NEBL: variants seen among roughly 807,000 people sequenced by gnomAD.
The protein encoded by NEBL is LIM and SH3 protein 2.
A neutral mutation model predicts 140.2 loss-of-function variants in NEBL; 122 were observed. That is an observed-to-expected ratio of 0.87 (90% CI 0.75 to 1.01). The LOEUF is 1.01. NEBL is among the 50% of genes least tolerant of loss of function. NEBL has a pLI of 0.00. For missense variants in NEBL, 1,365 were observed against 1,231.3 expected (o/e 1.11, Z -1.62); for synonymous variants, 436 against 398.9 (o/e 1.09, Z -1.11).
chr10:20,875,899 T>C (rs1191849939), intron 5 of NEBL, among the ~76,000 whole-genome samples: 3 of 152,198 alleles, frequency 2.0e-5, no homozygotes, highest in African/African-American at 7.2e-5. Context: ...AGGCAAATCA[T>C]GTAACTGGTA....
At chr10:21,168,867 T>C (rs942969553) in intron 2 of NEBL, among the ~76,000 whole-genome samples, 5 of 150,446 alleles carry the variant, frequency 3.3e-5, no homozygotes, top group African/African-American at 7.3e-5. Context: ...GCTAACATGG[T>C]GAAACCCTAT....
chr10:21,013,708 T>G (rs772427426), intron 3 of NEBL, among the ~76,000 whole-genome samples: 1 of 152,106 alleles, frequency 6.6e-6, no homozygotes, highest in Admixed American at 6.5e-5. Flanking sequence ...TGAATCCCCA[T>G]CTCTACTAAA....
At chr10:21,075,701 T>C (rs1206071529) in intron 2 of NEBL, among the ~76,000 whole-genome samples, 1 of 152,196 alleles carries the variant, frequency 6.6e-6, no homozygotes, top group African/African-American at 2.4e-5. Context: ...GGATGCTTGA[T>C]TTTCTCAAGC....
intron 3 of NEBL, among the ~76,000 whole-genome samples, chr10:21,190,907 T>C (rs1020082718): frequency 6.6e-6 from 1 of 152,218 alleles, no homozygotes; most frequent in African/African-American, 2.4e-5. Context: ...GGCTTCCAAA[T>C]TACCTTCTTA....
intron 2 of NEBL, among the ~76,000 whole-genome samples, chr10:21,057,860 T>C (rs1339321438): frequency 6.6e-6 from 1 of 152,146 alleles, no homozygotes; most frequent in Non-Finnish European, 1.5e-5. Flanking sequence ...TGTTAATTTA[T>C]TCATAACTTA....
chr10:20,859,657 A>T (rs1843455161), intron 8 of NEBL, 56 bp downstream of exon 8: 9 of 1,208,822 alleles, frequency 7.4e-6, no homozygotes, highest in Non-Finnish European at 9.7e-6. Context: ...AGTCGATTCT[A>T]AAAAAAACAA....
intron 3 of NEBL, among the ~76,000 whole-genome samples, chr10:21,000,904 T>G (rs929976614): frequency 6.6e-6 from 1 of 152,054 alleles, no homozygotes; most frequent in African/African-American, 2.4e-5. Context: ...CATTGGGATT[T>G]AAGGGCAGAG....
At chr10:21,029,170 A>T in intron 2 of NEBL, 1 of 1,338,704 alleles carries the variant, frequency 7.5e-7, no homozygotes. Context: ...TTGACACAGT[A>T]ATGATAACAA....
upstream of NEBL, among the ~76,000 whole-genome samples, chr10:21,177,357 G>A (rs961409413): frequency 1.9e-4 from 29 of 152,264 alleles, no homozygotes; most frequent in African/African-American, 5.8e-4. Flanking sequence ...GCCTTCACAT[G>A]ACGGGAGTAA....
chr10:20,934,340 T>A (rs1033860153), intron 4 of NEBL, among the ~76,000 whole-genome samples: 1 of 152,196 alleles, frequency 6.6e-6, no homozygotes, highest in Non-Finnish European at 1.5e-5. Flanking sequence ...TTCTGCCTAG[T>A]CTCAAAGGAT....
chr10:21,197,157 A>AT (rs1841666188), intron 3 of NEBL, among the ~76,000 whole-genome samples: 1 of 152,114 alleles, frequency 6.6e-6, no homozygotes, highest in Non-Finnish European at 1.5e-5. Flanking sequence ...TTATCCAGTG[A>AT]TTTTCTCTAG....
At chr10:21,219,019 C>T (rs1842033882) in intron 3 of NEBL, among the ~76,000 whole-genome samples, 1 of 152,210 alleles carries the variant, frequency 6.6e-6, no homozygotes, top group Non-Finnish European at 1.5e-5. Flanking sequence ...GAAGAGAATG[C>T]TTCCTATTTG....
chr10:21,173,271 C>A lies in NEBL; in HGVS notation c.69+494G>T, dbSNP rs1841163841. Among the ~76,000 whole-genome samples the A allele has an allele frequency of 6.6e-6, 1 of 152,214 alleles. No individual in the cohort carries two copies. Among genetic ancestry groups the A allele is most frequent in the Non-Finnish European group, 1.5e-5 (1 of 68,040 alleles). On this transcript the variant is annotated intron_variant, in intron 1 of 6. Transcript: ENST00000417816. The surrounding 1 kb of genome is among the most constrained non-coding windows in gnomAD (Gnocchi z 5.7). ...GCTCTCCAGCAGGGATTATTCTTAG[C>A]AATGCGGCAGCGGCCGCCCCATGAC...
intron 2 of NEBL, among the ~76,000 whole-genome samples, chr10:21,156,366 G>A (rs1228140169): frequency 1.3e-5 from 2 of 152,222 alleles, no homozygotes; most frequent in Non-Finnish European, 2.9e-5. Flanking sequence ...GCTAGGATCT[G>A]ATTATGAGGA....
At chr10:20,807,155 G>A (rs934924994) in intron 26 of NEBL, among the ~76,000 whole-genome samples, 9 of 151,968 alleles carry the variant, frequency 5.9e-5, no homozygotes, top group South Asian at 2.1e-4. Context: ...CGAGACCCCC[G>A]TCTCTATAAA....
At chr10:21,006,199 C>G (rs974349411) in intron 3 of NEBL, among the ~76,000 whole-genome samples, 2 of 152,286 alleles carry the variant, frequency 1.3e-5, no homozygotes, top group African/African-American at 4.8e-5. Context: ...TGACCTTTCG[C>G]TCTGTTTCCA....
At chr10:21,006,067 C>A (rs1838126136) in intron 3 of NEBL, among the ~76,000 whole-genome samples, 1 of 152,158 alleles carries the variant, frequency 6.6e-6, no homozygotes, top group Admixed American at 6.5e-5. Flanking sequence ...TCTCACTGAG[C>A]AACACTTCAC....
chr10:20,806,295 A>C (rs956538881), intron 26 of NEBL, among the ~76,000 whole-genome samples: 2 of 152,220 alleles, frequency 1.3e-5, no homozygotes, highest in Non-Finnish European at 2.9e-5. Context: ...AGATTCATTT[A>C]GGACCTAAAT....
At chr10:20,905,984 C>A (rs1054360229) in intron 4 of NEBL, among the ~76,000 whole-genome samples, 2 of 152,136 alleles carry the variant, frequency 1.3e-5, no homozygotes, top group Non-Finnish European at 2.9e-5. Flanking sequence ...CCTTTATGTG[C>A]CTTGAACATA....
Sources: allele counts gnomAD v4.1 joint callset (sites outside exome capture counted in the v4.1 genomes callset), GRCh38; gene constraint gnomAD v4.1.1; non-coding constraint Gnocchi (gnomAD v3.1); transcripts MANE v1.5; gene names NCBI Gene and HGNC (gene_info 2026-07-23, HGNC 2026-07-21).